FAM47E: variants seen among roughly 807,000 people sequenced by gnomAD.
The protein encoded by FAM47E is protein FAM47E.
FAM47E carries 32 observed loss-of-function variants against 41.6 expected under a neutral mutation model. The ratio of observed to expected loss-of-function variants is 0.77; its 90% CI spans 0.58 to 1.03. The LOEUF (loss-of-function observed/expected upper bound fraction) is 1.03. Among genes scored for constraint, FAM47E ranks in the 50% least tolerant of loss-of-function variants. The pLI, the probability that FAM47E is intolerant of heterozygous loss-of-function variation, is 0.00. For synonymous variants in FAM47E, 184 were observed against 188.7 expected (o/e 0.98, Z 0.20); for missense variants, 424 against 485.4 (o/e 0.87, Z 1.19).
At chr4:76,234,507 C>T (rs1014409371) in intron 2 of FAM47E, 2 of 152,154 alleles carry the variant, frequency 1.3e-5, no homozygotes, top group Admixed American at 1.3e-4. Flanking sequence ...AGAATGCTTC[C>T]TGCTTTACGG....
chr4:76,233,470 G>A (rs1733527302), intron 2 of FAM47E, among the ~76,000 whole-genome samples: 1 of 152,096 alleles, frequency 6.6e-6, no homozygotes, highest in African/African-American at 2.4e-5. Flanking sequence ...AAAGTCGCGT[G>A]AACTGAAAGG....
intron 1 of FAM47E, among the ~76,000 whole-genome samples, chr4:76,215,000 G>T (rs1009107149): frequency 9.8e-5 from 15 of 152,330 alleles, no homozygotes; most frequent in Middle Eastern, 3.4e-3. Flanking sequence ...ATTGGGGTGG[G>T]GAATCCTTTA....
In FAM47E at chr4:76,259,062, C is replaced by T. The variant is rs116419659; in HGVS notation, c.420+2539C>T. ...TCTGAGTGGAGCAGGCCAGAAAGAT[C>T]TACCCTCAGTGTTTCAGTGCTTCAG... On this transcript the variant is annotated intron_variant, in intron 2 of 7. Transcript: ENST00000424749. Among the ~76,000 whole-genome samples the T allele has an allele frequency of 3.9e-3, 587 of 152,294 alleles. 2 individuals are homozygous for T. The highest frequency in any genetic ancestry group is 0.014 in the African/African-American group (562 of 41,580).
intron 4 of FAM47E, among the ~76,000 whole-genome samples, chr4:76,270,563 A>G (rs1205985345): frequency 6.6e-6 from 1 of 152,156 alleles, no homozygotes; most frequent in Admixed American, 6.5e-5. Context: ...CTGCTTGTCC[A>G]TAATCTGTTC....
At chr4:76,242,747 T>C (rs1049598299) in intron 2 of FAM47E, among the ~76,000 whole-genome samples, 1 of 152,208 alleles carries the variant, frequency 6.6e-6, no homozygotes, top group Non-Finnish European at 1.5e-5. Context: ...ATGTAAAATA[T>C]CTCAGTAATA....
Position 76,280,684 on chromosome 4 carries a change from C to G in FAM47E, c.1104+343C>G, listed in dbSNP as rs78060534. On this transcript the variant is annotated intron_variant, in intron 7 of 7. Transcript: ENST00000424749. ...ACTGTTACTCAACACCCTGAATTCT[C>G]TAGGATGTTTTCAAGTCTCCTTTGC... The G allele has an allele frequency of 6.5e-3, 1,168 of 178,424 alleles. 16 individuals are homozygous for G. The highest frequency in any genetic ancestry group is 0.025 in the African/African-American group (1,082 of 42,614). The allele number at this position is 178,424 out of a possible 1,614,324, so 11.1% of individuals were successfully genotyped here. A position where few individuals can be genotyped will look rare whatever the true frequency, so the allele number is the denominator to read the frequency against.
intron 2 of FAM47E, among the ~76,000 whole-genome samples, chr4:76,222,224 CTTCT>C (rs1213500469): frequency 3.3e-5 from 5 of 151,364 alleles, no homozygotes; most frequent in African/African-American, 1.2e-4. Context: ...TATTTCCTAT[CTTCT>C]TTTTTTTTTT....
chr4:76,218,894 A>G (rs1282115215), intron 2 of FAM47E, among the ~76,000 whole-genome samples: 2 of 152,186 alleles, frequency 1.3e-5, no homozygotes, highest in Admixed American at 6.5e-5. Flanking sequence ...TACAAGCACT[A>G]TGCTAGACAG....
intron 7 of FAM47E, chr4:76,283,085 T>C (rs1735425438): frequency 4.2e-6 from 1 of 237,620 alleles, no homozygotes; most frequent in Admixed American, 5.1e-5. Context: ...GCTGCACGGA[T>C]GGATCCCAAG....
upstream of FAM47E, chr4:76,251,647 A>G (rs1733965649): frequency 2.2e-5 from 30 of 1,353,016 alleles, 2 homozygotes; most frequent in South Asian, 5.4e-4. Flanking sequence ...GCCCGGGGCA[A>G]ATACCGGCAG....
intron 2 of FAM47E, among the ~76,000 whole-genome samples, chr4:76,243,363 ACCTCCTGCTTTATCT>A (rs1410211348): frequency 6.6e-6 from 1 of 151,680 alleles, no homozygotes; most frequent in African/African-American, 2.4e-5. Context: ...TTTTGACAAC[ACCTCCTGCTTTATCT>A]AGTACCTGAT....
intron 5 of FAM47E, among the ~76,000 whole-genome samples, chr4:76,272,103 A>G (rs934107009): frequency 2.0e-5 from 3 of 152,232 alleles, no homozygotes; most frequent in Admixed American, 2.0e-4. Context: ...GCAATTAATT[A>G]TTATGAATGC....
At chr4:76,246,941 G>A (rs1733839919), upstream of FAM47E, among the ~76,000 whole-genome samples, 1 of 151,804 alleles carries the variant, frequency 6.6e-6, no homozygotes, top group Admixed American at 6.6e-5. Context: ...AAAAAATTGT[G>A]TCAAAATATA....
chr4:76,256,517 C>T lies in FAM47E; in HGVS notation c.414C>T (p.Pro138=). The T allele has an allele frequency of 1.3e-6, 2 of 1,548,012 alleles. No homozygotes were observed. Among genetic ancestry groups the T allele is most frequent in the Non-Finnish European group, 1.7e-6 (2 of 1,144,398 alleles). Residue 138 remains proline (P), a synonymous_variant, in exon 2 of 8, where the codon CCC becomes CCT. Transcript: ENST00000424749. ...ACCTGAATCTGGAAGAAGCTATGCC[C>T]ATAGAGGTGATGTGTCCTAGGGTTT... The part of the protein sequence containing the change: ...ALYLNLEEAM[P]IELLSKVLEV...
rs184990389 is a variant in FAM47E at position 76,233,933 on chromosome 4, A to G, written c.81+16245A>G. Among the ~76,000 whole-genome samples the G allele has an allele frequency of 4.6e-5, 7 of 152,364 alleles. No individual in the cohort carries two copies. The East Asian group carries it at 1.3e-3, about 29-fold the overall frequency. Reference sequence around the variant, plus strand: ...TTAAAAGTTACTACTGATGGGGTGAAGAAGAGGAAAGAAAAAAAGTTTAAA... The same window carrying G: ...TTAAAAGTTACTACTGATGGGGTGAGGAAGAGGAAAGAAAAAAAGTTTAAA... On this transcript the variant is annotated intron_variant, in intron 2 of 7. Transcript: ENST00000510197.
intron 1 of FAM47E, among the ~76,000 whole-genome samples, chr4:76,253,249 A>G (rs1734047095): frequency 1.3e-5 from 2 of 152,030 alleles, no homozygotes; most frequent in South Asian, 2.1e-4. Context: ...GATGTACCAC[A>G]GTTTGTTTAT....
chr4:76,239,487 G>A lies in FAM47E; in HGVS notation c.81+21799G>A, dbSNP rs143482285. On this transcript the variant is annotated intron_variant, in intron 2 of 7. Transcript: ENST00000510197. Reference sequence around the variant, plus strand: ...CTGTATTTCCCTAATTATTCATGATGTTGAGCATCATTTCATGTACTTACT... The same window carrying A: ...CTGTATTTCCCTAATTATTCATGATATTGAGCATCATTTCATGTACTTACT... Among the ~76,000 whole-genome samples the A allele has an allele frequency of 6.6e-5, 10 of 152,262 alleles. No individual in the cohort carries two copies. In the East Asian group the frequency reaches 1.7e-3, roughly 26 times the overall value.
intron 2 of FAM47E, among the ~76,000 whole-genome samples, chr4:76,238,547 A>G (rs1441922): frequency 0.74 from 112,828 of 151,888 alleles, 42,637 homozygotes; most frequent in East Asian, 0.82. Flanking sequence ...TCAAGAAGTA[A>G]GCAGGTAAAG....
intron 3 of FAM47E, among the ~76,000 whole-genome samples, chr4:76,264,671 C>T (rs1013003592): frequency 1.3e-5 from 2 of 152,166 alleles, no homozygotes; most frequent in Non-Finnish European, 2.9e-5. Flanking sequence ...TCTTGGCTCA[C>T]TGCAACCTCT....
Sources: allele counts gnomAD v4.1 joint callset (sites outside exome capture counted in the v4.1 genomes callset), GRCh38; gene constraint gnomAD v4.1.1; transcripts MANE v1.5; gene names NCBI Gene and HGNC (gene_info 2026-07-23, HGNC 2026-07-21).